DGKD: variants seen among roughly 807,000 people sequenced by gnomAD.
DGKD encodes the protein diacylglycerol kinase delta, also known as DAG kinase delta.
DGKD carries 68 observed loss-of-function variants against 154.4 expected under a neutral mutation model. The ratio of observed to expected loss-of-function variants is 0.44; its 90% CI spans 0.36 to 0.54. The LOEUF is 0.54. Among genes scored for constraint, DGKD ranks in the 20% least tolerant of loss-of-function variants. The pLI is 0.00. For missense variants in DGKD, 1,343 were observed against 1,593.6 expected (o/e 0.84, Z 2.68); for synonymous variants, 693 against 638.0 (o/e 1.09, Z -1.30).
At chr2:233,415,293 G>A (rs1373924890) in intron 3 of DGKD, among the ~76,000 whole-genome samples, 1 of 152,212 alleles carries the variant, frequency 6.6e-6, no homozygotes, top group Non-Finnish European at 1.5e-5. Flanking sequence ...TGTGAAATAG[G>A]AGTAGGGTAC....
intron 3 of DGKD, among the ~76,000 whole-genome samples, chr2:233,409,495 T>C (rs1346973821): frequency 1.3e-5 from 2 of 151,876 alleles, no homozygotes; most frequent in African/African-American, 4.8e-5. Context: ...TGAGCCAAGT[T>C]CCGTCTGTCT....
intron 3 of DGKD, among the ~76,000 whole-genome samples, chr2:233,432,584 A>G (rs917592338): frequency 1.3e-4 from 20 of 152,192 alleles, no homozygotes; most frequent in South Asian, 1.0e-3. Flanking sequence ...GCATGAACCC[A>G]AGAGGCGGAG....
Position 233,469,452 on chromosome 2 carries a change from G to C in DGKD, c.3637G>C (p.Glu1213Gln). The change falls in exon 30 of 30, where the codon GAG becomes CAG. Residue 1213 changes from glutamate to glutamine, a missense_variant. Transcript: ENST00000264057. ...GCTGAGCCGCAGCGCCCCCGCCGTC[G>C]AGGCCTAGCCTCTGTCCTCTCAGCC... ...KELSRSAPAV[E>Q]A 6.3e-7 allele frequency: 1 copy of C among 1,598,836 alleles called. No homozygotes were observed. Among genetic ancestry groups the C allele is most frequent in the Non-Finnish European group, 8.5e-7 (1 of 1,173,998 alleles).
intron 1 of DGKD, among the ~76,000 whole-genome samples, chr2:233,383,949 G>A (rs1703029014): frequency 6.6e-6 from 1 of 152,140 alleles, no homozygotes; most frequent in Non-Finnish European, 1.5e-5. Context: ...GGAGGGGAGG[G>A]TGTGTAGGTG....
Position 233,469,468 on chromosome 2 carries a change from C to G in DGKD, c.*8C>G, listed in dbSNP as rs746543063. ...CCCGCCGTCGAGGCCTAGCCTCTGT[C>G]CTCTCAGCCTGTGGCCTCCACATCC... is the stretch of plus-strand genomic sequence containing the variant. On this transcript the variant is annotated 3_prime_UTR_variant, in exon 30 of 30. Transcript: ENST00000264057. 4 of 1,589,190 alleles carry G rather than the reference C, an allele frequency of 2.5e-6. No homozygotes were observed. The South Asian group carries it at 3.4e-5, about 14-fold the overall frequency.
intron 6 of DGKD, among the ~76,000 whole-genome samples, 164 bp from the exon 7 acceptor site, chr2:233,436,152 A>G (rs1054217903): frequency 6.6e-6 from 1 of 152,208 alleles, no homozygotes; most frequent in Middle Eastern, 3.2e-3. Context: ...TGCTATGGGT[A>G]GATGGTACTT....
chr2:233,463,462 ATG>A lies in DGKD; in HGVS notation c.3187-700_3187-699del, dbSNP rs1559183718. Among the ~76,000 whole-genome samples, 152 of 108,624 alleles carry A rather than the reference ATG, an allele frequency of 1.4e-3. 24 individuals are homozygous for A. The highest frequency in any genetic ancestry group is 4.8e-3 in the African/African-American group (105 of 22,086). The allele number at this position is 108,624 out of a possible 152,430, so 71.3% of individuals were successfully genotyped here. A position where few individuals can be genotyped will look rare whatever the true frequency, so the allele number is the denominator to read the frequency against. On this transcript the variant is annotated intron_variant, in intron 26 of 29. Transcript: ENST00000264057. ...CTCCACGCATCTCCTCACTCCACGC[ATG>A]TCCTCACTGCACGCATGTCCTCACT...
Position 233,354,763 on chromosome 2 carries a change from C to A in DGKD, c.156+89C>A. 1 of 814,498 alleles carries A rather than the reference C, an allele frequency of 1.2e-6. No homozygotes were observed. The highest frequency in any genetic ancestry group is 1.5e-6 in the Non-Finnish European group (1 of 677,230). 50.5% of individuals were successfully genotyped at this position (814,498 alleles called of 1,614,324 possible). On this transcript the variant is annotated intron_variant, in intron 1 of 29. Coordinates refer to ENST00000264057, the MANE Select transcript of DGKD (RefSeq NM_152879.3). The surrounding 1 kb of genome is among the most constrained non-coding windows in gnomAD (Gnocchi z 4.8). ...CCGTGGCCCTGCCCGAGCGGCCGCC[C>A]AGGCCCGGCTCGGCCCGGCCCGGGG...
intron 1 of DGKD, among the ~76,000 whole-genome samples, chr2:233,374,993 C>T (rs761242861): frequency 2.0e-5 from 3 of 152,122 alleles, no homozygotes; most frequent in Admixed American, 1.3e-4. Flanking sequence ...TATTTACACA[C>T]TTGAAAACAG....
At chr2:233,370,497 G>A (rs761718999) in intron 1 of DGKD, among the ~76,000 whole-genome samples, 16 of 151,432 alleles carry the variant, frequency 1.1e-4, no homozygotes, top group African/African-American at 2.2e-4. Context: ...GATTACATGC[G>A]TGAGCCACCG....
chr2:233,369,267 T>C (rs533515681), intron 1 of DGKD, among the ~76,000 whole-genome samples: 1 of 152,342 alleles, frequency 6.6e-6, no homozygotes, highest in African/African-American at 2.4e-5. Context: ...GTTTTGTCTT[T>C]TTGCCACCAG....
At position 233,445,802 on chromosome 2, in the gene DGKD, T is replaced by C; in HGVS notation, c.1334+40T>C. On this transcript the variant is annotated intron_variant, in intron 11 of 29. Coordinates refer to ENST00000264057, the MANE Select transcript of DGKD (RefSeq NM_152879.3). The surrounding 1 kb of genome is among the most constrained non-coding windows in gnomAD (Gnocchi z 5.5). ...GCTCCGGTGCCGTATGAGGAGACTTTGAGAGACAGGTCCCTTTGACCAGGT... is the reference window on the plus strand; with the variant it reads ...GCTCCGGTGCCGTATGAGGAGACTTCGAGAGACAGGTCCCTTTGACCAGGT... 6.4e-7 allele frequency: 1 copy of C among 1,557,286 alleles called. No individual in the cohort carries two copies. Among genetic ancestry groups the C allele is most frequent in the Non-Finnish European group, 8.7e-7 (1 of 1,148,576 alleles).
At chr2:233,371,926 T>C (rs879421549) in intron 1 of DGKD, among the ~76,000 whole-genome samples, 6 of 152,272 alleles carry the variant, frequency 3.9e-5, no homozygotes, top group Non-Finnish European at 7.3e-5. Flanking sequence ...ATCATTCTTA[T>C]GTATGGTTAT....
chr2:233,469,856 T>G lies in DGKD; in HGVS notation c.*396T>G. On this transcript the variant is annotated 3_prime_UTR_variant, in exon 30 of 30. Coordinates refer to ENST00000264057, the MANE Select transcript of DGKD (RefSeq NM_152879.3). ...GGGCTCCTCTCCGTGTGTCCTTCTG[T>G]GGCCGCACCGTGTGGCTCCGCCTCC... 5.7e-6 allele frequency: 1 copy of G among 175,220 alleles called. No homozygotes were observed. Among genetic ancestry groups the G allele is most frequent in the Non-Finnish European group, 1.2e-5 (1 of 83,124 alleles). 10.9% of individuals were successfully genotyped at this position (175,220 alleles called of 1,614,324 possible).
At chr2:233,377,535 A>G (rs1430850056) in intron 1 of DGKD, among the ~76,000 whole-genome samples, 1 of 152,162 alleles carries the variant, frequency 6.6e-6, no homozygotes, top group Non-Finnish European at 1.5e-5. Flanking sequence ...TTATTCGACC[A>G]CTAGCCTGTT....
intron 3 of DGKD, among the ~76,000 whole-genome samples, chr2:233,421,555 G>T (rs1441753384): frequency 6.6e-6 from 1 of 152,200 alleles, no homozygotes; most frequent in African/African-American, 2.4e-5. Context: ...CCTGATGCTT[G>T]CAGGTTGGCC....
chr2:233,464,008 G>T (rs2063749659), intron 26 of DGKD, 156 bp from the exon 27 acceptor site: 3 of 981,370 alleles, frequency 3.1e-6, no homozygotes, highest in Non-Finnish European at 4.4e-6. Context: ...TTCTGGGTTT[G>T]GTTCCTTTTC....
rs1368141067 is a variant in DGKD, at chr2:233,450,975, A to T, written c.2092A>T (p.Ser698Cys). 7 of 1,612,546 alleles carry T rather than the reference A, an allele frequency of 4.3e-6. No individual in the cohort carries two copies. The highest frequency in any genetic ancestry group is 1.3e-5 in the African/African-American group (1 of 75,052). The change falls in exon 17 of 30, where the codon AGT becomes TGT. Residue 698 changes from serine (S) to cysteine (C), a missense_variant. This residue lies in a region of DGKD where 409 missense variants were observed against 446.0 expected (regional missense o/e 0.92). Transcript: ENST00000264057. ...LISKGSLSLG[S>C]SASLPPQPGS... ...CAGCAAAGGGAGTCTGTCCCTAGGC[A>T]GTTCTGCTTCCCTTCCGCCCCAGCC...
chr2:233,388,740 C>CTTTTTTTTT (rs57415272), intron 2 of DGKD: 2 of 69,290 alleles, frequency 2.9e-5, no homozygotes, highest in African/African-American at 5.6e-5. Flanking sequence ...TATTGAAGTT[C>CTTTTTTTTT]TTTTTTTTTT....
Sources: allele counts gnomAD v4.1 joint callset (sites outside exome capture counted in the v4.1 genomes callset), GRCh38; gene constraint gnomAD v4.1.1; regional missense constraint gnomAD v4.1.1; non-coding constraint Gnocchi (gnomAD v3.1); transcripts MANE v1.5; gene names NCBI Gene and HGNC (gene_info 2026-07-23, HGNC 2026-07-21).